Variants in EXOC4 observed in about 807,000 individuals in gnomAD.
EXOC4 encodes the protein exocyst complex component 4, also known as SEC8-like 1.
A neutral mutation model predicts 107.2 loss-of-function variants in EXOC4; 71 were observed. The ratio of observed to expected loss-of-function variants is 0.66; its 90% confidence interval spans 0.55 to 0.81. EXOC4 has a LOEUF of 0.81. Ranked by LOEUF, EXOC4 falls within the 30% of genes least tolerant of loss-of-function variation. The pLI is 0.00. For missense variants in EXOC4, 1,108 were observed against 1,189.6 expected (o/e 0.93, Z 1.01); for synonymous variants, 456 against 441.2 (o/e 1.03, Z -0.42).
intron 9 of EXOC4, among the ~76,000 whole-genome samples, chr7:133,547,342 T>C (rs1399575655): frequency 6.6e-6 from 1 of 152,188 alleles, no homozygotes; most frequent in Non-Finnish European, 1.5e-5. Context: ...TTCAGCAAAT[T>C]GTCATCTTTT....
chr7:134,023,010 G>A (rs1283846602), intron 17 of EXOC4, among the ~76,000 whole-genome samples: 1 of 152,106 alleles, frequency 6.6e-6, no homozygotes, highest in Non-Finnish European at 1.5e-5. Context: ...CCCATTCGAT[G>A]TTAACCTCTT....
At chr7:134,098,227 G>A in the EXOC4 span, among the ~76,000 whole-genome samples, 3 of 152,226 alleles carry the variant, frequency 2.0e-5, no homozygotes, top group East Asian at 3.9e-4. Context: ...ATGAAGAACC[G>A]CCAGTGGGTT....
intron 7 of EXOC4, among the ~76,000 whole-genome samples, chr7:133,422,114 G>T (rs907357776): frequency 6.6e-6 from 1 of 152,136 alleles, no homozygotes; most frequent in African/African-American, 2.4e-5. Context: ...CCTGATTGAT[G>T]ATAAGGTCCT....
At chr7:133,666,271 C>T (rs1430082388) in intron 10 of EXOC4, among the ~76,000 whole-genome samples, 2 of 152,088 alleles carry the variant, frequency 1.3e-5, no homozygotes, top group African/African-American at 4.8e-5. Flanking sequence ...TTAGGTTCCT[C>T]TGACATATGT....
At chr7:133,373,194 G>A (rs937724918) in intron 6 of EXOC4, among the ~76,000 whole-genome samples, 1 of 152,114 alleles carries the variant, frequency 6.6e-6, no homozygotes, top group Non-Finnish European at 1.5e-5. Flanking sequence ...GTTTCAGTTG[G>A]TATGTTTAGA....
At chr7:133,841,041 C>G (rs1585190316) in intron 11 of EXOC4, among the ~76,000 whole-genome samples, 1 of 152,136 alleles carries the variant, frequency 6.6e-6, no homozygotes, top group Non-Finnish European at 1.5e-5. Flanking sequence ...TTAATTCTCA[C>G]TGTTCTGGAG....
At chr7:133,310,148 C>T (rs1794837939) in intron 4 of EXOC4, among the ~76,000 whole-genome samples, 1 of 152,102 alleles carries the variant, frequency 6.6e-6, no homozygotes, top group Non-Finnish European at 1.5e-5. Flanking sequence ...TTTTACTAAT[C>T]TAGATATGTA....
chr7:134,079,700 G>A, the EXOC4 span, among the ~76,000 whole-genome samples: 1 of 152,170 alleles, frequency 6.6e-6, no homozygotes, highest in Non-Finnish European at 1.5e-5. Context: ...TTCAGATGCA[G>A]TGTCAGTTCC....
At chr7:134,006,292 AAAAC>A (rs970274569) in intron 16 of EXOC4, among the ~76,000 whole-genome samples, 60 of 152,100 alleles carry the variant, frequency 3.9e-4, no homozygotes, top group East Asian at 9.7e-4. Flanking sequence ...TGTGGCAGCA[AAAAC>A]AAACAAACAA....
chr7:133,706,068 TA>T (rs1321294150), intron 10 of EXOC4, among the ~76,000 whole-genome samples: 3 of 152,154 alleles, frequency 2.0e-5, no homozygotes, highest in African/African-American at 7.2e-5. Flanking sequence ...TCTTAATTTT[TA>T]AAAAAAGTAT....
At chr7:133,327,152 T>C (rs1795265543) in intron 5 of EXOC4, among the ~76,000 whole-genome samples, 1 of 152,250 alleles carries the variant, frequency 6.6e-6, no homozygotes, top group Non-Finnish European at 1.5e-5. Context: ...CCCCTTGTGC[T>C]TCCCGAGTGA....
chr7:133,618,372 A>G (rs998585914), intron 9 of EXOC4, among the ~76,000 whole-genome samples: 10 of 151,970 alleles, frequency 6.6e-5, no homozygotes, highest in Admixed American at 5.2e-4. Flanking sequence ...CACCCATGCT[A>G]TTATTTTTTA....
At chr7:133,661,277 G>T (rs1803434424) in intron 10 of EXOC4, among the ~76,000 whole-genome samples, 1 of 152,100 alleles carries the variant, frequency 6.6e-6, no homozygotes, top group Non-Finnish European at 1.5e-5. Flanking sequence ...ACTGCCTTCT[G>T]GAGGGAGAAG....
chr7:133,718,297 G>A (rs756727433), intron 10 of EXOC4, among the ~76,000 whole-genome samples: 5 of 152,118 alleles, frequency 3.3e-5, no homozygotes, highest in Non-Finnish European at 5.9e-5. Flanking sequence ...TTATTGGTGG[G>A]GAATACAGAG....
At chr7:133,644,192 T>C (rs1802932900) in intron 10 of EXOC4, among the ~76,000 whole-genome samples, 2 of 152,198 alleles carry the variant, frequency 1.3e-5, no homozygotes, top group Admixed American at 1.3e-4. Context: ...GCAGTAGGCT[T>C]CCTATCAATT....
intron 7 of EXOC4, among the ~76,000 whole-genome samples, chr7:133,388,240 C>T (rs1796772403): frequency 6.6e-6 from 1 of 152,158 alleles, no homozygotes; most frequent in Admixed American, 6.5e-5. Flanking sequence ...ATACTGTTTT[C>T]TATCCCTCCG....
At chr7:133,629,353 TC>T (rs1585042035) in intron 9 of EXOC4, among the ~76,000 whole-genome samples, 1 of 152,308 alleles carries the variant, frequency 6.6e-6, no homozygotes, top group East Asian at 1.9e-4. Flanking sequence ...GGCAGGCACT[TC>T]ATCCTTTCTC....
intron 7 of EXOC4, among the ~76,000 whole-genome samples, chr7:133,408,752 C>T (rs777718176): frequency 6.6e-5 from 10 of 152,164 alleles, no homozygotes; most frequent in Non-Finnish European, 1.3e-4. Context: ...ACATACTTCA[C>T]AGGAATGTTG....
intron 15 of EXOC4, among the ~76,000 whole-genome samples, chr7:134,004,016 G>A (rs1419655793): frequency 6.6e-6 from 1 of 152,078 alleles, no homozygotes; most frequent in African/African-American, 2.4e-5. Context: ...ATCACCTTCT[G>A]TCAGGACCCT....
Sources: gnomAD v4.1 joint callset for allele counts (sites outside exome capture counted in the v4.1 genomes callset) on GRCh38, gnomAD v4.1.1 for gene constraint, MANE v1.5 for transcripts, NCBI Gene and HGNC (gene_info 2026-07-23, HGNC 2026-07-21) for gene names.